The following XCR1 variants were observed in gnomAD, a reference collection of about 807,000 sequenced individuals.
XCR1 encodes the protein chemokine XC receptor 1.
For missense variants in XCR1, 356 were observed against 424.2 expected, an observed-to-expected ratio of 0.84 and a Z score of 1.41; for synonymous variants, 187 against 188.5, an observed-to-expected ratio of 0.99 and a Z score of 0.06.
chr3:46,062,281 C>T (rs1365502949), intron 4 of XCR1, among the ~76,000 whole-genome samples: 1 of 152,178 alleles, frequency 6.6e-6, no homozygotes, highest in Non-Finnish European at 1.5e-5. Context: ...GACCCTGCTG[C>T]AGGATGCATG....
At chr3:46,031,294 C>T (rs1174750804), upstream of XCR1, among the ~76,000 whole-genome samples, 1 of 152,232 alleles carries the variant, frequency 6.6e-6, no homozygotes, top group Non-Finnish European at 1.5e-5. Flanking sequence ...GGGAAGGTCC[C>T]CCGCTGCCCA....
At chr3:46,064,484 G>C (rs1698025390) in intron 4 of XCR1, among the ~76,000 whole-genome samples, 1 of 152,212 alleles carries the variant, frequency 6.6e-6, no homozygotes, top group African/African-American at 2.4e-5. Context: ...CTCCCACTGA[G>C]AGATGAAGTC....
chr3:46,076,729 C>T (rs1264329995), intron 2 of XCR1, among the ~76,000 whole-genome samples: 3 of 152,092 alleles, frequency 2.0e-5, no homozygotes, highest in Non-Finnish European at 4.4e-5. Context: ...CCTCAATGGT[C>T]CCAAACTGAC....
chr3:46,047,599 T>G (rs1336674506), intron 5 of XCR1, among the ~76,000 whole-genome samples: 1 of 152,216 alleles, frequency 6.6e-6, no homozygotes, highest in Non-Finnish European at 1.5e-5. Context: ...CCAACCCAGA[T>G]GTTGCTATTC....
rs906331109 is a variant in XCR1, at chr3:46,019,376, C to T, written c.*1570G>A. Reference sequence around the variant, plus strand: ...CTGGGGTTCAAGACCAGGTTCCTGCCCTCAAGAAGCTTGCAGCCTGATGGG... The same window carrying T: ...CTGGGGTTCAAGACCAGGTTCCTGCTCTCAAGAAGCTTGCAGCCTGATGGG... On this transcript the variant is annotated 3_prime_UTR_variant, in exon 2 of 2. Coordinates refer to ENST00000309285, the MANE Select transcript of XCR1 (RefSeq NM_001024644.2). The T allele has an allele frequency of 6.6e-6, 1 of 152,166 alleles. No individual in the cohort carries two copies. The highest frequency in any genetic ancestry group is 1.5e-5 in the Non-Finnish European group (1 of 68,034). The allele number at this position is 152,166 out of a possible 1,614,324, so 9.4% of individuals were successfully genotyped here.
chr3:46,064,520 A>G (rs772396757), intron 4 of XCR1, among the ~76,000 whole-genome samples: 2 of 152,066 alleles, frequency 1.3e-5, no homozygotes, highest in African/African-American at 4.8e-5. Flanking sequence ...GAAATCCCTC[A>G]TTGACTTGCT....
chr3:46,079,967 T>G (rs1201466591), intron 1 of XCR1, among the ~76,000 whole-genome samples: 2 of 152,196 alleles, frequency 1.3e-5, no homozygotes, highest in Non-Finnish European at 2.9e-5. Context: ...CAAGTCTCTC[T>G]GTGATGCCAT....
chr3:46,018,605 C>A lies in XCR1; in HGVS notation c.*2341G>T, dbSNP rs1708085106. 2 of 152,252 alleles carry A rather than the reference C, an allele frequency of 1.3e-5. No individual in the cohort carries two copies. Among genetic ancestry groups the A allele is most frequent in the African/African-American group, 4.8e-5 (2 of 41,448 alleles). The allele number at this position is 152,252 out of a possible 1,614,324, so 9.4% of individuals were successfully genotyped here. On this transcript the variant is annotated 3_prime_UTR_variant, in exon 2 of 2. Coordinates refer to ENST00000309285, the MANE Select transcript of XCR1 (RefSeq NM_001024644.2). The stretch of plus-strand genomic sequence containing the variant: ...GGTCCATGGGAGCCCCTTCCCTTCA[C>A]TGGTATGCCGCCCAGCCCTGTCCAG...
intron 5 of XCR1, among the ~76,000 whole-genome samples, chr3:46,032,771 A>G (rs2125895998): frequency 6.6e-6 from 1 of 152,362 alleles, no homozygotes; most frequent in African/African-American, 2.4e-5. Flanking sequence ...ATTGCTAGAC[A>G]TCCACATTCA....
upstream of XCR1, among the ~76,000 whole-genome samples, chr3:46,031,900 A>G (rs981603966): frequency 6.6e-6 from 1 of 152,126 alleles, no homozygotes; most frequent in African/African-American, 2.4e-5. Context: ...CGCAGAGACA[A>G]TGGGATAACC....
chr3:46,057,616 G>A (rs1408396523), intron 4 of XCR1, among the ~76,000 whole-genome samples: 4 of 151,970 alleles, frequency 2.6e-5, no homozygotes, highest in African/African-American at 9.7e-5. Flanking sequence ...ATCTACAATC[G>A]GTTTACTTTA....
intron 1 of XCR1, among the ~76,000 whole-genome samples, chr3:46,024,512 T>C (rs1708248600): frequency 6.6e-6 from 1 of 152,236 alleles, no homozygotes; most frequent in Admixed American, 6.5e-5. Context: ...ATAAAATATG[T>C]TATGTGTAAT....
At chr3:46,055,487 C>T (rs1442147152) in intron 4 of XCR1, among the ~76,000 whole-genome samples, 1 of 152,206 alleles carries the variant, frequency 6.6e-6, no homozygotes, top group Non-Finnish European at 1.5e-5. Flanking sequence ...TGACTTCACC[C>T]TGCACTCTTT....
chr3:46,078,778 A>G (rs1267787409), intron 1 of XCR1, among the ~76,000 whole-genome samples: 1 of 152,190 alleles, frequency 6.6e-6, no homozygotes, highest in Non-Finnish European at 1.5e-5. Flanking sequence ...GCTCACTTTG[A>G]CCAATTGGAG....
chr3:46,076,711 G>C (rs1698267704), intron 2 of XCR1, among the ~76,000 whole-genome samples: 1 of 152,078 alleles, frequency 6.6e-6, no homozygotes, highest in African/African-American at 2.4e-5. Flanking sequence ...AGAAAACAAG[G>C]GGCTATACCT....
chr3:46,074,516 A>C (rs564226067), intron 3 of XCR1, among the ~76,000 whole-genome samples: 1 of 152,088 alleles, frequency 6.6e-6, no homozygotes, highest in South Asian at 2.1e-4. Context: ...TAATGGGTAC[A>C]ATGTACATTA....
intron 5 of XCR1, among the ~76,000 whole-genome samples, chr3:46,043,759 C>CACAG (rs1697577150): frequency 7.0e-6 from 1 of 142,572 alleles, no homozygotes; most frequent in Non-Finnish European, 1.6e-5. Flanking sequence ...CACACACACA[C>CACAG]ACAAGAATGC....
At chr3:46,057,389 G>T (rs1428217320) in intron 4 of XCR1, among the ~76,000 whole-genome samples, 1 of 152,216 alleles carries the variant, frequency 6.6e-6, no homozygotes. Flanking sequence ...CAAAGCAACT[G>T]TTGGGGATGA....
intron 4 of XCR1, among the ~76,000 whole-genome samples, chr3:46,059,884 A>T (rs1697929264): frequency 6.6e-6 from 1 of 152,238 alleles, no homozygotes; most frequent in African/African-American, 2.4e-5. Context: ...TTCTATTAAC[A>T]TGATACAACT....
Sources: allele counts gnomAD v4.1 joint callset (sites outside exome capture counted in the v4.1 genomes callset), GRCh38; gene constraint gnomAD v4.1.1; transcripts MANE v1.5; gene names NCBI Gene and HGNC (gene_info 2026-07-23, HGNC 2026-07-21).